Variants in MAD1L1 observed in about 807,000 individuals in gnomAD.
MAD1L1 encodes the protein mitotic arrest deficient 1 like 1.
MAD1L1 carries 95 observed loss-of-function variants against 96.9 expected under a neutral mutation model. That is an observed-to-expected ratio of 0.98 (90% confidence interval 0.83 to 1.16). The LOEUF is 1.16. MAD1L1 is among the 50% of genes most tolerant of loss of function. The probability of loss-of-function intolerance (pLI) is 0.00; values close to 1 mark genes in which losing one functional copy is unlikely to be tolerated. For missense variants in MAD1L1, 1,007 were observed against 954.4 expected (o/e 1.06, Z -0.73); for synonymous variants, 473 against 396.6 (o/e 1.19, Z -2.29).
rs1318832959 is a variant in MAD1L1, at chr7:1,929,828, C to A, written c.1807+6859G>T. 3.6e-3 allele frequency among the ~76,000 whole-genome samples: 69 copies of A among 19,028 alleles called. 7 individuals are homozygous for A. The highest frequency in any genetic ancestry group is 0.011 in the East Asian group (9 of 828). 12.5% of individuals were successfully genotyped at this position (19,028 alleles called of 152,430 possible). A position where few individuals can be genotyped will look rare whatever the true frequency, so the allele number is the denominator to read the frequency against. Reference sequence around the variant, plus strand: ...CGTCCCCACTGCCACGTCCCCTGCCCCGTCCCCACTGCCACGTCCCCTCAT... The same window carrying A: ...CGTCCCCACTGCCACGTCCCCTGCCACGTCCCCACTGCCACGTCCCCTCAT... On this transcript the variant is annotated intron_variant, in intron 17 of 18. Coordinates refer to ENST00000265854, the MANE Select transcript of MAD1L1 (RefSeq NM_001013836.2).
chr7:2,229,856 G>T, intron 3 of MAD1L1, 128 bp downstream of exon 3: 2 of 1,030,184 alleles, frequency 1.9e-6, no homozygotes, highest in Non-Finnish European at 2.8e-6. Context: ...AGTGAGACCT[G>T]GGAGACGAAT....
intron 10 of MAD1L1, chr7:2,202,010 G>A (rs1387257513): frequency 6.6e-6 from 1 of 152,292 alleles, no homozygotes; most frequent in African/African-American, 2.4e-5. Context: ...CCTTGCTTTG[G>A]GGGTCTCGCT....
chr7:1,832,631 G>T lies in MAD1L1; in HGVS notation c.1999-16403C>A, dbSNP rs868055074. The stretch of plus-strand genomic sequence containing the variant: ...TTCATTGCTGTGTTTTTTTTTTTTT[G>T]GCGGGGGGGGGGGGGGTGGGGATGG... On this transcript the variant is annotated intron_variant, in intron 18 of 18. Coordinates refer to ENST00000265854, the MANE Select transcript of MAD1L1 (RefSeq NM_001013836.2). 5.2e-3 allele frequency among the ~76,000 whole-genome samples: 37 copies of T among 7,144 alleles called. 2 individuals carry two copies. The highest frequency in any genetic ancestry group is 0.013 in the African/African-American group (12 of 902). 4.7% of individuals were successfully genotyped at this position (7,144 alleles called of 152,430 possible).
chr7:2,193,549 A>T (rs1237588191), intron 10 of MAD1L1: 1 of 152,292 alleles, frequency 6.6e-6, no homozygotes, highest in Non-Finnish European at 1.5e-5. Context: ...ACGTGATCAC[A>T]ATATGTGCTC....
chr7:1,978,595 C>A (rs1332604298), intron 15 of MAD1L1, among the ~76,000 whole-genome samples: 1 of 152,184 alleles, frequency 6.6e-6, no homozygotes, highest in African/African-American at 2.4e-5. Flanking sequence ...CCTGCCCGGT[C>A]TCCAGCTTCC....
At chr7:2,128,345 C>A (rs1475281333) in intron 11 of MAD1L1, among the ~76,000 whole-genome samples, 1 of 152,196 alleles carries the variant, frequency 6.6e-6, no homozygotes, top group Non-Finnish European at 1.5e-5. Flanking sequence ...CCCCGAAATG[C>A]AGCCCTGGTG....
At chr7:1,995,873 C>G (rs369314293) in intron 14 of MAD1L1, among the ~76,000 whole-genome samples, 34 of 152,320 alleles carry the variant, frequency 2.2e-4, no homozygotes, top group African/African-American at 7.9e-4. Context: ...TCAGAAGTAG[C>G]ACTTCGTCGT....
intron 14 of MAD1L1, among the ~76,000 whole-genome samples, chr7:2,001,301 C>G (rs1449294957): frequency 6.6e-6 from 1 of 152,282 alleles, no homozygotes; most frequent in African/African-American, 2.4e-5. Flanking sequence ...GCACGCATGC[C>G]CCAGGGCCGT....
rs762046909 is a variant in MAD1L1 at position 1,816,241 on chromosome 7, C to CAAGA, written c.1999-17_1999-14dup. ...AGGGGCTGGTGGCCTGCGGGGCAGT[C>CAAGA]AAGAAAGAGACAAGACAGCGGTCAG... On this transcript the variant is annotated splice_polypyrimidine_tract_variant and intron_variant, in intron 18 of 18. Coordinates refer to ENST00000265854, the MANE Select transcript of MAD1L1 (RefSeq NM_001013836.2). The CAAGA allele has an allele frequency of 6.2e-7, 1 of 1,608,590 alleles. No individual in the cohort carries two copies. Among genetic ancestry groups the CAAGA allele is most frequent in the East Asian group, 2.2e-5 (1 of 44,812 alleles).
At chr7:2,163,740 T>A (rs1156799258) in intron 10 of MAD1L1, among the ~76,000 whole-genome samples, 2 of 152,158 alleles carry the variant, frequency 1.3e-5, no homozygotes, top group African/African-American at 4.8e-5. Context: ...GACACTCTCC[T>A]AGGCAAGCCT....
At chr7:1,887,065 C>A (rs1786081931) in intron 18 of MAD1L1, among the ~76,000 whole-genome samples, 7 of 152,282 alleles carry the variant, frequency 4.6e-5, no homozygotes. Flanking sequence ...ATACCATGGG[C>A]CTTCACAGCC....
At chr7:1,919,797 G>A (rs991297270) in intron 17 of MAD1L1, among the ~76,000 whole-genome samples, 2 of 152,252 alleles carry the variant, frequency 1.3e-5, no homozygotes, top group African/African-American at 4.8e-5. Context: ...CTGACAGTGT[G>A]TGGCAACCCC....
At chr7:1,875,683 G>A (rs958898843) in intron 18 of MAD1L1, among the ~76,000 whole-genome samples, 2 of 152,222 alleles carry the variant, frequency 1.3e-5, no homozygotes, top group African/African-American at 2.4e-5. Context: ...TAGTAACGCT[G>A]CATGTGCAAC....
At chr7:2,134,921 C>G (rs1003163157) in intron 11 of MAD1L1, among the ~76,000 whole-genome samples, 1 of 152,178 alleles carries the variant, frequency 6.6e-6, no homozygotes, top group Non-Finnish European at 1.5e-5. Flanking sequence ...TTCAACTGCC[C>G]GGAATGCTGC....
intron 15 of MAD1L1, among the ~76,000 whole-genome samples, chr7:1,976,466 G>A (rs1583971689): frequency 6.6e-6 from 1 of 152,204 alleles, no homozygotes; most frequent in African/African-American, 2.4e-5. Context: ...TGGGTTCGTG[G>A]TCTTGCCGGC....
At chr7:1,936,616 C>T in intron 17 of MAD1L1, 71 bp downstream of exon 17, 5 of 1,463,196 alleles carry the variant, frequency 3.4e-6, no homozygotes, top group South Asian at 1.3e-5. Flanking sequence ...TGAGGCTGCC[C>T]CAAAGGCGCA....
chr7:2,060,674 AG>A (rs2128523448), intron 12 of MAD1L1, among the ~76,000 whole-genome samples: 1 of 152,344 alleles, frequency 6.6e-6, no homozygotes, highest in South Asian at 2.1e-4. Flanking sequence ...GACGGCCACG[AG>A]GGGTCCCCGG....
At chr7:2,215,777 A>G in intron 9 of MAD1L1, 108 bp downstream of exon 9, 2 of 988,386 alleles carry the variant, frequency 2.0e-6, no homozygotes, top group Non-Finnish European at 3.2e-6. Flanking sequence ...CCATCACAGC[A>G]ACCTCCATGT....
At chr7:1,970,331 CT>C (rs34240381) in intron 15 of MAD1L1, among the ~76,000 whole-genome samples, 3,854 of 116,504 alleles carry the variant, frequency 0.033, 35 homozygotes, top group African/African-American at 0.092. Context: ...TTAATTTTTA[CT>C]TTTTTTTTTT....
Sources: allele counts gnomAD v4.1 joint callset (sites outside exome capture counted in the v4.1 genomes callset), GRCh38; gene constraint gnomAD v4.1.1; transcripts MANE v1.5; gene names NCBI Gene and HGNC (gene_info 2026-07-23, HGNC 2026-07-21).